The following MED27 variants were observed in gnomAD, a reference collection of about 807,000 sequenced individuals.
MED27 encodes the protein mediator of RNA polymerase II transcription subunit 27.
In MED27, 30 loss-of-function variants were observed where a neutral mutation model predicts 38.2. The ratio of observed to expected loss-of-function variants is 0.79; its 90% confidence interval spans 0.59 to 1.07. The LOEUF is 1.07. MED27 is among the 50% of genes least tolerant of loss of function. The pLI, the probability that MED27 is intolerant of heterozygous loss-of-function variation, is 0.00. For missense variants in MED27, 289 were observed against 397.5 expected, an observed-to-expected ratio of 0.73 and a Z score of 2.32; for synonymous variants, 122 against 153.5, an observed-to-expected ratio of 0.79 and a Z score of 1.52.
chr9:131,869,807 C>T (rs79716426), intron 6 of MED27, among the ~76,000 whole-genome samples: 2,339 of 152,202 alleles, frequency 0.015, 54 homozygotes, highest in African/African-American at 0.051. Flanking sequence ...TCTCAGATGC[C>T]TCATTTGGGG....
At chr9:131,971,744 A>AT (rs1487383415) in intron 3 of MED27, among the ~76,000 whole-genome samples, 1 of 152,144 alleles carries the variant, frequency 6.6e-6, no homozygotes, top group Non-Finnish European at 1.5e-5. Context: ...ACAGACATTT[A>AT]TTTTTGGATT....
chr9:132,064,538 G>A (rs921817729), intron 2 of MED27, among the ~76,000 whole-genome samples: 1 of 152,212 alleles, frequency 6.6e-6, no homozygotes, highest in African/African-American at 2.4e-5. Context: ...ACAAATGTAA[G>A]ATATATAGTG....
intron 2 of MED27, among the ~76,000 whole-genome samples, chr9:132,072,724 G>C (rs559703417): frequency 6.6e-6 from 1 of 152,216 alleles, no homozygotes; most frequent in East Asian, 1.9e-4. Flanking sequence ...GGACAATTCA[G>C]AAGGGTGCTC....
intron 3 of MED27, among the ~76,000 whole-genome samples, chr9:131,968,802 G>A (rs530544671): frequency 1.4e-4 from 22 of 152,290 alleles, no homozygotes; most frequent in African/African-American, 4.8e-4. Context: ...AGTGGTGGGC[G>A]AGCGAGCAAA....
At chr9:132,018,208 C>A (rs1188310607) in intron 2 of MED27, among the ~76,000 whole-genome samples, 1 of 152,200 alleles carries the variant, frequency 6.6e-6, no homozygotes, top group Non-Finnish European at 1.5e-5. Flanking sequence ...AATGTCCCTA[C>A]AACATTAATA....
chr9:131,890,656 G>A (rs990326912), intron 5 of MED27, among the ~76,000 whole-genome samples: 7 of 152,190 alleles, frequency 4.6e-5, no homozygotes, highest in South Asian at 2.1e-4. Context: ...GGCTCCTACC[G>A]TGCTCCTGGC....
At chr9:131,958,892 T>C (rs1441037831) in intron 3 of MED27, among the ~76,000 whole-genome samples, 1 of 152,250 alleles carries the variant, frequency 6.6e-6, no homozygotes, top group East Asian at 1.9e-4. Flanking sequence ...CTCCACGTGC[T>C]GAGCAGAATT....
intron 3 of MED27, among the ~76,000 whole-genome samples, chr9:131,977,264 C>A (rs574623423): frequency 2.6e-5 from 4 of 152,250 alleles, no homozygotes; most frequent in African/African-American, 9.6e-5. Flanking sequence ...AAGGAAGTGG[C>A]GGCTCTGGAA....
intron 4 of MED27, among the ~76,000 whole-genome samples, chr9:131,895,831 A>G (rs1453971129): frequency 5.3e-5 from 8 of 151,810 alleles, no homozygotes; most frequent in Non-Finnish European, 1.2e-4. Flanking sequence ...AGGTAGAGTG[A>G]GTAACTCTGT....
At chr9:131,949,650 T>A (rs552336071) in intron 3 of MED27, among the ~76,000 whole-genome samples, 17 of 152,338 alleles carry the variant, frequency 1.1e-4, no homozygotes, top group African/African-American at 4.1e-4. Flanking sequence ...AGAAATCTTT[T>A]AGTAGTGTAG....
chr9:131,975,199 AGG>A (rs1831577244), intron 3 of MED27, among the ~76,000 whole-genome samples: 1 of 152,234 alleles, frequency 6.6e-6, no homozygotes, highest in Non-Finnish European at 1.5e-5. Flanking sequence ...CTTTTTCAAA[AGG>A]AATGTATCTC....
chr9:131,915,204 A>C (rs1830267340), intron 4 of MED27, among the ~76,000 whole-genome samples: 1 of 152,238 alleles, frequency 6.6e-6, no homozygotes, highest in South Asian at 2.1e-4. Context: ...GGAGCAATCT[A>C]TAAAGGAGAC....
At chr9:132,014,917 T>C (rs1224176601) in intron 2 of MED27, among the ~76,000 whole-genome samples, 1 of 152,276 alleles carries the variant, frequency 6.6e-6, no homozygotes, top group African/African-American at 2.4e-5. Flanking sequence ...ACTATTCATA[T>C]GCTTTATGTA....
intron 5 of MED27, among the ~76,000 whole-genome samples, chr9:131,886,790 C>T (rs1228210571): frequency 6.6e-6 from 1 of 152,218 alleles, no homozygotes; most frequent in Non-Finnish European, 1.5e-5. Context: ...GTATTACTTT[C>T]TCAGTGCCGC....
Position 131,862,916 on chromosome 9 carries a change from G to A in MED27, c.801+147C>T. On this transcript the variant is annotated intron_variant, in intron 7 of 7. Transcript: ENST00000292035. The surrounding 1 kb of genome is among the most constrained non-coding windows in gnomAD (Gnocchi z 4.6). ...CTCCCAGATCCCTTCGCAGTTTAAA[G>A]AAAGTAGCAGTTTTAAACTGGCAGC... 2.2e-5 allele frequency: 13 copies of A among 595,134 alleles called. No homozygotes were observed. The highest frequency in any genetic ancestry group is 9.9e-5 in the South Asian group (4 of 40,538). 36.9% of individuals were successfully genotyped at this position (595,134 alleles called of 1,614,324 possible).
intron 3 of MED27, among the ~76,000 whole-genome samples, chr9:131,994,188 T>C (rs968029427): frequency 6.6e-5 from 10 of 152,208 alleles, no homozygotes; most frequent in East Asian, 1.9e-4. Context: ...AGGGTAAAAT[T>C]AGCCTTGTTA....
intron 4 of MED27, among the ~76,000 whole-genome samples, chr9:131,912,552 G>T (rs1830211555): frequency 1.3e-5 from 2 of 152,088 alleles, no homozygotes; most frequent in Admixed American, 6.5e-5. Flanking sequence ...TCACCCCCGA[G>T]TCTGGAACCC....
intron 3 of MED27, among the ~76,000 whole-genome samples, chr9:131,988,364 A>C (rs191341963): frequency 1.1e-4 from 17 of 152,310 alleles, no homozygotes; most frequent in African/African-American, 3.6e-4. Flanking sequence ...TTGAACAACG[A>C]GGGTTTGAAC....
intron 4 of MED27, among the ~76,000 whole-genome samples, chr9:131,936,310 C>G (rs1179822516): frequency 6.6e-6 from 1 of 152,176 alleles, no homozygotes; most frequent in African/African-American, 2.4e-5. Flanking sequence ...CGGGAAACAA[C>G]TGCCTCCATT....
Sources: gnomAD v4.1 joint callset for allele counts (sites outside exome capture counted in the v4.1 genomes callset) on GRCh38, gnomAD v4.1.1 for gene constraint, Gnocchi (gnomAD v3.1) non-coding constraint, MANE v1.5 for transcripts, NCBI Gene and HGNC (gene_info 2026-07-23, HGNC 2026-07-21) for gene names.